The following TTC27 variants were observed in gnomAD, a reference collection of about 807,000 sequenced individuals.
TTC27 encodes tetratricopeptide repeat protein 27.
In TTC27, 79 loss-of-function variants were observed where a neutral mutation model predicts 115.9. The observed-to-expected ratio is 0.68, with a 90% CI of 0.57 to 0.82. The LOEUF is 0.82. Among genes scored for constraint, TTC27 ranks in the 40% least tolerant of loss-of-function variants. TTC27 has a pLI of 0.00. For missense variants in TTC27, 1,054 were observed against 993.1 expected (o/e 1.06, Z -0.82); for synonymous variants, 401 against 356.0 (o/e 1.13, Z -1.42).
At position 32,640,421 on chromosome 2, in the gene TTC27, G is replaced by A; in HGVS notation, c.537+11G>A. The A allele has an allele frequency of 6.2e-7, 1 of 1,612,068 alleles. No individual in the cohort carries two copies. The highest frequency in any genetic ancestry group is 1.1e-5 in the South Asian group (1 of 90,754). On this transcript the variant is annotated intron_variant, in intron 4 of 19. Coordinates refer to ENST00000317907, the MANE Select transcript of TTC27 (RefSeq NM_017735.5). Reference sequence around the variant, plus strand: ...CTGACAGCTATTCAGGTAAGGAAAGGATCCATGAGATTCATACCCTGGTAT... The same window carrying A: ...CTGACAGCTATTCAGGTAAGGAAAGAATCCATGAGATTCATACCCTGGTAT...
At chr2:32,710,408 G>T (rs1198746561) in intron 10 of TTC27, among the ~76,000 whole-genome samples, 1 of 150,032 alleles carries the variant, frequency 6.7e-6, no homozygotes, top group East Asian at 1.9e-4. Flanking sequence ...GAATCTTTTA[G>T]GTGTTTATAA....
intron 12 of TTC27, among the ~76,000 whole-genome samples, chr2:32,748,709 A>G (rs1302089346): frequency 7.2e-6 from 1 of 138,700 alleles, no homozygotes; most frequent in Non-Finnish European, 1.5e-5. Flanking sequence ...TTTTTTTGAG[A>G]TGGAGTCTTG....
chr2:32,767,282 T>C (rs1464732038), intron 13 of TTC27, among the ~76,000 whole-genome samples: 1 of 152,120 alleles, frequency 6.6e-6, no homozygotes, highest in African/African-American at 2.4e-5. Flanking sequence ...TAGAGCAGAC[T>C]GTAATAGAGG....
At chr2:32,662,032 G>A (rs1665567412) in intron 5 of TTC27, among the ~76,000 whole-genome samples, 1 of 152,076 alleles carries the variant, frequency 6.6e-6, no homozygotes, top group Non-Finnish European at 1.5e-5. Flanking sequence ...TAATCTTATG[G>A]TTTTTGTCAC....
intron 9 of TTC27, among the ~76,000 whole-genome samples, chr2:32,695,718 CAAAAA>C (rs66677186): frequency 3.4e-5 from 1 of 29,706 alleles, no homozygotes; most frequent in Non-Finnish European, 5.5e-5. Flanking sequence ...GGCTCTATCT[CAAAAA>C]AAAAAAAAAA....
chr2:32,693,725 A>G lies in TTC27; in HGVS notation c.1120-9082A>G, dbSNP rs945507845. 3.5e-4 allele frequency among the ~76,000 whole-genome samples: 54 copies of G among 152,238 alleles called. 1 individual carries two copies. The highest frequency in any genetic ancestry group is 1.3e-3 in the African/African-American group (52 of 41,466). ...GATCAAATATATAAAAGTGAAAAGC[A>G]AAACTATAAAGCTCTTAGAGGATGA... is the stretch of plus-strand genomic sequence containing the variant. On this transcript the variant is annotated intron_variant, in intron 9 of 19. Coordinates refer to ENST00000317907, the MANE Select transcript of TTC27 (RefSeq NM_017735.5).
In TTC27 at chr2:32,666,645, A is replaced by T. The variant is rs1431600260; in HGVS notation, c.816A>T (p.Gly272=). ...TTATTGTTTTTTCAGGTGCTTTGGG[A>T]AAAAGAACACGGTTCCAGGAAAATT... The part of the protein sequence containing the change: ...QLQIDLTGAL[G]KRTRFQENYV... Residue 272 remains glycine, a synonymous_variant, in exon 7 of 20, where the codon GGA becomes GGT. Coordinates refer to ENST00000317907, the MANE Select transcript of TTC27 (RefSeq NM_017735.5). 6.2e-7 allele frequency: 1 copy of T among 1,613,850 alleles called. No homozygotes were observed. Among genetic ancestry groups the T allele is most frequent in the Non-Finnish European group, 8.5e-7 (1 of 1,179,870 alleles).
intron 11 of TTC27, among the ~76,000 whole-genome samples, chr2:32,734,659 A>G (rs767551934): frequency 1.5e-4 from 23 of 152,114 alleles, no homozygotes; most frequent in Non-Finnish European, 3.4e-4. Context: ...ATAACTTAAG[A>G]CACCTGACCC....
chr2:32,812,378 G>A (rs1671343809), intron 17 of TTC27, 126 bp from the exon 18 acceptor site: 3 of 660,424 alleles, frequency 4.5e-6, no homozygotes, highest in Non-Finnish European at 8.0e-6. Flanking sequence ...AGTAATAGAC[G>A]CTGTGCTGTA....
At chr2:32,791,550 C>T (rs1469391403) in intron 16 of TTC27, among the ~76,000 whole-genome samples, 3 of 152,226 alleles carry the variant, frequency 2.0e-5, no homozygotes, top group Admixed American at 2.0e-4. Flanking sequence ...AGTCATTTGG[C>T]TAGTAGGAAC....
intron 12 of TTC27, among the ~76,000 whole-genome samples, chr2:32,744,418 C>T (rs144877158): frequency 1.3e-5 from 2 of 152,124 alleles, no homozygotes; most frequent in Admixed American, 1.3e-4. Flanking sequence ...GTTCTGTAAT[C>T]ATCTATTTAA....
intron 10 of TTC27, among the ~76,000 whole-genome samples, chr2:32,731,328 C>T (rs1668285640): frequency 6.6e-6 from 1 of 152,060 alleles, no homozygotes; most frequent in Admixed American, 6.5e-5. Flanking sequence ...ATCCGCCTGC[C>T]TCAGCCTCCC....
At chr2:32,775,942 G>A (rs1185925639) in intron 13 of TTC27, among the ~76,000 whole-genome samples, 1 of 152,190 alleles carries the variant, frequency 6.6e-6, no homozygotes, top group Non-Finnish European at 1.5e-5. Flanking sequence ...TTCAGCAAGT[G>A]TGGTTTGGTG....
At chr2:32,817,261 A>C (rs113916204) in intron 18 of TTC27, among the ~76,000 whole-genome samples, 196 bp from the exon 19 acceptor site, 1 of 149,734 alleles carries the variant, frequency 6.7e-6, no homozygotes, top group South Asian at 2.1e-4. Flanking sequence ...AAAAAAAAAG[A>C]AGAAGAAGAA....
chr2:32,731,352 T>G (rs1476313330), intron 10 of TTC27, among the ~76,000 whole-genome samples: 1 of 152,110 alleles, frequency 6.6e-6, no homozygotes, highest in Non-Finnish European at 1.5e-5. Flanking sequence ...ATGCTGGGAT[T>G]ACAGGCGTGA....
At chr2:32,651,338 G>A (rs1191568138) in intron 5 of TTC27, among the ~76,000 whole-genome samples, 1 of 151,972 alleles carries the variant, frequency 6.6e-6, no homozygotes, top group South Asian at 2.1e-4. Flanking sequence ...ACCTTTTGGG[G>A]GTCTGTTTCC....
At chr2:32,750,039 A>C (rs1668956876) in intron 12 of TTC27, among the ~76,000 whole-genome samples, 1 of 152,240 alleles carries the variant, frequency 6.6e-6, no homozygotes, top group African/African-American at 2.4e-5. Flanking sequence ...GGGGAAATGA[A>C]GGTATGGAAG....
rs528094313 is a variant in TTC27, at chr2:32,633,565, G to A, written c.267-311G>A. On this transcript the variant is annotated intron_variant, in intron 2 of 19. Transcript: ENST00000317907. ...AGTAGCTGGGATGTACCACCATGCCGGCTAACTTTTAATTTTTTTGTAGAG... is the reference window on the plus strand; with the variant it reads ...AGTAGCTGGGATGTACCACCATGCCAGCTAACTTTTAATTTTTTTGTAGAG... Among the ~76,000 whole-genome samples, 36 of 151,842 alleles carry A rather than the reference G, an allele frequency of 2.4e-4. No homozygotes were observed. The South Asian group carries it at 6.9e-3, about 29-fold the overall frequency.
At chr2:32,680,711 C>T (rs180691891) in intron 9 of TTC27, among the ~76,000 whole-genome samples, 1 of 152,024 alleles carries the variant, frequency 6.6e-6, no homozygotes, top group Admixed American at 6.5e-5. Flanking sequence ...AAGTAAACAG[C>T]GATGTGGCAT....
Sources: allele counts gnomAD v4.1 joint callset (sites outside exome capture counted in the v4.1 genomes callset), GRCh38; gene constraint gnomAD v4.1.1; transcripts MANE v1.5; gene names NCBI Gene and HGNC (gene_info 2026-07-23, HGNC 2026-07-21).